GLT1D1: variants seen among roughly 807,000 people sequenced by gnomAD.
The protein encoded by GLT1D1 is glycosyltransferase 1 domain-containing protein 1.
GLT1D1 carries 21 observed loss-of-function variants against 28.7 expected under a neutral mutation model. The ratio of observed to expected loss-of-function variants is 0.73; its 90% CI spans 0.52 to 1.05. The LOEUF (loss-of-function observed/expected upper bound fraction) is 1.05, where lower values mean the gene tolerates loss of function less well. Ranked by LOEUF, GLT1D1 falls within the 50% of genes least tolerant of loss-of-function variation. The probability of loss-of-function intolerance (pLI) is 0.00; values close to 1 mark genes in which losing one functional copy is unlikely to be tolerated. For synonymous variants in GLT1D1, 147 were observed against 124.8 expected, an observed-to-expected ratio of 1.18 and a Z score of -1.19; for missense variants, 343 against 330.6, an observed-to-expected ratio of 1.04 and a Z score of -0.29.
chr12:128,946,071 T>C (rs1565903756), intron 5 of GLT1D1, among the ~76,000 whole-genome samples: 1 of 152,134 alleles, frequency 6.6e-6, no homozygotes, highest in Non-Finnish European at 1.5e-5. Context: ...GACTGTTTTT[T>C]CCCCATCTAT....
chr12:128,896,597 T>C (rs1869660175), intron 3 of GLT1D1, among the ~76,000 whole-genome samples: 1 of 148,668 alleles, frequency 6.7e-6, no homozygotes, highest in Admixed American at 6.7e-5. Context: ...TTTTTTTTTT[T>C]TGAGACAGAG....
rs1335143431 is a variant in GLT1D1 at position 128,853,526 on chromosome 12, C to A, written c.-56C>A. The A allele has an allele frequency of 2.8e-5, 29 of 1,023,486 alleles. No individual in the cohort carries two copies. The highest frequency in any genetic ancestry group is 3.3e-5 in the Non-Finnish European group (28 of 858,446). 63.4% of individuals were successfully genotyped at this position (1,023,486 alleles called of 1,614,324 possible). ...CCCGCCGTCCGCGTCTGCGCCGGCCCCGGGGCCTGGTCGGCGGCGGCGGGG... is the reference window on the plus strand; with the variant it reads ...CCCGCCGTCCGCGTCTGCGCCGGCCACGGGGCCTGGTCGGCGGCGGCGGGG... On this transcript the variant is annotated 5_prime_UTR_variant, in exon 1 of 8. Transcript: ENST00000281703.
intron 7 of GLT1D1, among the ~76,000 whole-genome samples, chr12:128,981,603 C>T (rs1421396232): frequency 2.0e-5 from 3 of 152,200 alleles, no homozygotes; most frequent in Admixed American, 6.5e-5. Context: ...AGGCACTCAA[C>T]ATTTAATTAA....
At chr12:128,954,698 C>T (rs994501863) in intron 6 of GLT1D1, among the ~76,000 whole-genome samples, 1 of 152,140 alleles carries the variant, frequency 6.6e-6, no homozygotes, top group African/African-American at 2.4e-5. Context: ...ACCTGTAATC[C>T]CAACAGTTTG....
intron 6 of GLT1D1, 84 bp from the exon 11 acceptor site, chr12:128,957,461 T>C: frequency 1.2e-6 from 1 of 851,108 alleles, no homozygotes; most frequent in African/African-American, 1.7e-5. Flanking sequence ...ACCCAAGAAG[T>C]TATTCTGCCC....
chr12:128,890,463 C>T (rs749500711), intron 3 of GLT1D1, among the ~76,000 whole-genome samples: 17 of 152,066 alleles, frequency 1.1e-4, no homozygotes, highest in African/African-American at 3.4e-4. Flanking sequence ...CTTTGTCTAA[C>T]GAATAACAAT....
chr12:128,946,347 T>TTTG (rs532535900), intron 5 of GLT1D1, among the ~76,000 whole-genome samples: 2 of 152,192 alleles, frequency 1.3e-5, no homozygotes, highest in Non-Finnish European at 2.9e-5. Context: ...TCCATTCTTT[T>TTTG]TTGTTGTTGT....
intron 6 of GLT1D1, 53 bp downstream of exon 10, chr12:128,947,511 C>T: frequency 6.2e-7 from 1 of 1,601,954 alleles, no homozygotes; most frequent in South Asian, 1.1e-5. Context: ...GTCCATCACT[C>T]CTTCTCCTAT....
At chr12:128,957,987 C>T (rs949825872) in intron 7 of GLT1D1, among the ~76,000 whole-genome samples, 4 of 152,366 alleles carry the variant, frequency 2.6e-5, no homozygotes, top group East Asian at 1.9e-4. Context: ...TTTCAAAGGA[C>T]GGGCGCCTAT....
At chr12:128,960,113 T>C (rs1473402647) in intron 7 of GLT1D1, among the ~76,000 whole-genome samples, 4 of 152,196 alleles carry the variant, frequency 2.6e-5, no homozygotes, top group Admixed American at 6.5e-5. Flanking sequence ...CAGACACGAC[T>C]CTGCGGCACT....
chr12:128,876,196 T>C, intron 2 of GLT1D1, 134 bp downstream of exon 2: 1 of 767,688 alleles, frequency 1.3e-6, no homozygotes, highest in East Asian at 2.6e-5. Flanking sequence ...ATAATCTCTT[T>C]GGTTTGCTTT....
chr12:128,885,008 G>A (rs1957144991), intron 2 of GLT1D1, among the ~76,000 whole-genome samples: 1 of 150,752 alleles, frequency 6.6e-6, no homozygotes, highest in South Asian at 2.1e-4. Flanking sequence ...TCCTGCCTTG[G>A]CCTCCCAAAG....
intron 1 of GLT1D1, among the ~76,000 whole-genome samples, chr12:128,866,067 C>CTTT (rs1208489895): frequency 0.012 from 1,644 of 133,430 alleles, 95 homozygotes; most frequent in Admixed American, 0.081. Context: ...GTGATTGTAC[C>CTTT]TTTTTTTTTT....
At chr12:128,937,429 C>T (rs1022214575) in intron 4 of GLT1D1, among the ~76,000 whole-genome samples, 6 of 152,044 alleles carry the variant, frequency 3.9e-5, no homozygotes, top group Non-Finnish European at 5.9e-5. Context: ...TATCAAAAGA[C>T]GTTGGCCCCT....
intron 4 of GLT1D1, among the ~76,000 whole-genome samples, chr12:128,899,521 A>ATGT (rs1327980386): frequency 1.4e-5 from 2 of 144,998 alleles, no homozygotes; most frequent in Non-Finnish European, 3.0e-5. Flanking sequence ...TAATGGTTGT[A>ATGT]TGTTGTTGTT....
chr12:128,945,342 C>T lies in GLT1D1; in HGVS notation c.392C>T (p.Thr131Ile). Reference sequence around the variant, plus strand: ...TCTTTTCAGGTCGATCCAGTGTTTACAAGGGAAGTGAAAGCCAAAGTGAAA... The same window carrying T: ...TCTTTTCAGGTCGATCCAGTGTTTATAAGGGAAGTGAAAGCCAAAGTGAAA... Residue 131 changes from threonine to isoleucine, a missense_variant, in exon 5 of 8, where the codon ACA becomes ATA. Thr to Ile is a moderately conservative substitution (Grantham distance 89). Transcript: ENST00000281703. The T allele has an allele frequency of 1.2e-6, 2 of 1,614,100 alleles. No homozygotes were observed. Among genetic ancestry groups the T allele is most frequent in the Middle Eastern group, 1.6e-4 (1 of 6,062 alleles).
chr12:128,912,329 C>CT (rs142482991), intron 4 of GLT1D1, 95 bp from the exon 5 acceptor site: 45,696 of 740,874 alleles, frequency 0.062, 1,671 homozygotes, highest in Middle Eastern at 0.078. Flanking sequence ...TCCAGGACGG[C>CT]TTTTTTTGTT....
At chr12:128,898,325 A>G (rs116396091) in intron 3 of GLT1D1, among the ~76,000 whole-genome samples, 1,607 of 152,218 alleles carry the variant, frequency 0.011, 32 homozygotes, top group African/African-American at 0.037. Context: ...AGTGTGCTCA[A>G]CTATGCCCAG....
rs1278628892 is a variant in GLT1D1 at position 128,964,433 on chromosome 12, C to T, written c.639+6790C>T. 3.3e-5 allele frequency among the ~76,000 whole-genome samples: 5 copies of T among 152,260 alleles called. No homozygotes were observed. In the East Asian group the frequency reaches 9.7e-4, roughly 30 times the overall value. On this transcript the variant is annotated intron_variant, in intron 7 of 7. Coordinates refer to ENST00000281703, the MANE Select transcript of GLT1D1 (RefSeq NM_144669.3). ...CCATCCTCATGACCCAGTCACCTCC[C>T]AAAGACCTCACCTCCTGCCGTCCCC...
Sources: allele counts gnomAD v4.1 joint callset (sites outside exome capture counted in the v4.1 genomes callset), GRCh38; gene constraint gnomAD v4.1.1; transcripts MANE v1.5; gene names NCBI Gene and HGNC (gene_info 2026-07-23, HGNC 2026-07-21).